The following GPC6 variants were observed in gnomAD, a reference collection of about 807,000 sequenced individuals.
The protein encoded by GPC6 is glypican 6.
GPC6 carries 14 observed loss-of-function variants against 55.2 expected under a neutral mutation model. That is an observed-to-expected ratio of 0.25 (90% CI 0.17 to 0.40). The LOEUF is 0.40. Among genes scored for constraint, GPC6 ranks in the 10% least tolerant of loss-of-function variants. The pLI is 1.00. For synonymous variants in GPC6, 278 were observed against 259.6 expected (o/e 1.07, Z -0.68); for missense variants, 641 against 708.5 (o/e 0.90, Z 1.08).
intron 1 of GPC6, among the ~76,000 whole-genome samples, chr13:93,358,723 T>C (rs1880939785): frequency 6.6e-6 from 1 of 152,206 alleles, no homozygotes; most frequent in African/African-American, 2.4e-5. Context: ...ATTTTTTTCC[T>C]GTATTTGTTT....
intron 1 of GPC6, among the ~76,000 whole-genome samples, chr13:93,521,566 C>A (rs1177422099): frequency 2.6e-5 from 4 of 151,968 alleles, no homozygotes; most frequent in African/African-American, 9.7e-5. Flanking sequence ...GAACTGTCTA[C>A]AATGCCTGCC....
At position 93,367,629 on chromosome 13, in the gene GPC6, G is replaced by A. The variant is rs549899258; in HGVS notation, c.160+140013G>A. ...ACAAATTTTTGATATGTTCTATTTT[G>A]AGTTTAATTCAGGTTAATGTAATTT... is the stretch of plus-strand genomic sequence containing the variant. On this transcript the variant is annotated intron_variant, in intron 1 of 8. Transcript: ENST00000377047. Among the ~76,000 whole-genome samples the A allele has an allele frequency of 9.9e-5, 15 of 152,062 alleles. No homozygotes were observed. The South Asian group carries it at 3.1e-3, about 32-fold the overall frequency.
At chr13:93,238,214 ATTTG>A (rs1481615082) in intron 1 of GPC6, among the ~76,000 whole-genome samples, 3 of 152,084 alleles carry the variant, frequency 2.0e-5, no homozygotes, top group Non-Finnish European at 2.9e-5. Flanking sequence ...GTGTTTTTCC[ATTTG>A]TTTGTGTGAT....
chr13:94,283,272 G>A (rs539490130), intron 4 of GPC6, among the ~76,000 whole-genome samples: 1 of 152,336 alleles, frequency 6.6e-6, no homozygotes, highest in South Asian at 2.1e-4. Flanking sequence ...TTACAAGCAC[G>A]ATTTCATTTC....
At chr13:93,368,043 T>C (rs1881310445) in intron 1 of GPC6, among the ~76,000 whole-genome samples, 1 of 152,144 alleles carries the variant, frequency 6.6e-6, no homozygotes, top group South Asian at 2.1e-4. Context: ...TCTCAAACTG[T>C]AATTATTGAA....
intron 2 of GPC6, among the ~76,000 whole-genome samples, chr13:93,799,026 TAA>T (rs1482361025): frequency 2.0e-5 from 3 of 152,116 alleles, no homozygotes; most frequent in Admixed American, 2.0e-4. Context: ...TAATATGTCT[TAA>T]GATAATATTT....
intron 3 of GPC6, among the ~76,000 whole-genome samples, chr13:93,879,162 C>A (rs760688998): frequency 6.6e-6 from 1 of 152,012 alleles, no homozygotes; most frequent in Non-Finnish European, 1.5e-5. Flanking sequence ...ACGTAGTTCT[C>A]GAGCCTTGGT....
At chr13:93,954,975 G>C (rs1461046383) in intron 3 of GPC6, among the ~76,000 whole-genome samples, 6 of 151,872 alleles carry the variant, frequency 4.0e-5, no homozygotes, top group Non-Finnish European at 4.4e-5. Flanking sequence ...TCTCCATCTT[G>C]GTTGCCTCTT....
intron 1 of GPC6, among the ~76,000 whole-genome samples, chr13:93,304,282 G>A (rs2139098584): frequency 6.6e-6 from 1 of 152,260 alleles, no homozygotes; most frequent in South Asian, 2.1e-4. Context: ...TCTATCCTAG[G>A]GCTTACATTT....
intron 2 of GPC6, among the ~76,000 whole-genome samples, chr13:93,800,511 G>A: frequency 6.6e-6 from 1 of 152,138 alleles, no homozygotes; most frequent in East Asian, 1.9e-4. Context: ...AAGAGAAAGG[G>A]AAACTGTCTT....
At chr13:94,378,006 T>C (rs1228820531) in intron 6 of GPC6, among the ~76,000 whole-genome samples, 3 of 151,550 alleles carry the variant, frequency 2.0e-5, no homozygotes, top group African/African-American at 7.3e-5. Flanking sequence ...TGAGAACACA[T>C]GGACAAAGGA....
At chr13:93,681,871 A>G (rs1483052796) in intron 2 of GPC6, among the ~76,000 whole-genome samples, 1 of 152,176 alleles carries the variant, frequency 6.6e-6, no homozygotes, top group Non-Finnish European at 1.5e-5. Flanking sequence ...GATAAATGCT[A>G]CGGGTTACAT....
chr13:94,315,609 G>A (rs532802409), intron 6 of GPC6, among the ~76,000 whole-genome samples: 2 of 152,158 alleles, frequency 1.3e-5, no homozygotes, highest in Admixed American at 6.5e-5. Context: ...CTCACATAGA[G>A]AGAGAAAAAG....
At chr13:93,376,994 A>G (rs1874928755) in intron 1 of GPC6, among the ~76,000 whole-genome samples, 1 of 152,068 alleles carries the variant, frequency 6.6e-6, no homozygotes, top group African/African-American at 2.4e-5. Flanking sequence ...TTTCCCACTA[A>G]ATAATTTATG....
At chr13:93,395,688 T>C in intron 1 of GPC6, 1 of 155,210 alleles carries the variant, frequency 6.4e-6, no homozygotes, top group Non-Finnish European at 1.4e-5. Flanking sequence ...CAAAATCCCC[T>C]GAGTGTTTGG....
At chr13:93,731,796 G>T (rs1041969302) in intron 2 of GPC6, among the ~76,000 whole-genome samples, 1 of 152,018 alleles carries the variant, frequency 6.6e-6, no homozygotes, top group African/African-American at 2.4e-5. Flanking sequence ...GCCATATTAA[G>T]GCATTTTTAT....
At chr13:93,522,436 A>C (rs538777832) in intron 1 of GPC6, among the ~76,000 whole-genome samples, 1 of 151,964 alleles carries the variant, frequency 6.6e-6, no homozygotes, top group East Asian at 1.9e-4. Flanking sequence ...CTTCTTACTT[A>C]TTTTCCCATT....
At chr13:94,240,132 CA>C (rs1223497292) in intron 4 of GPC6, among the ~76,000 whole-genome samples, 1 of 151,974 alleles carries the variant, frequency 6.6e-6, no homozygotes, top group Non-Finnish European at 1.5e-5. Flanking sequence ...TCATGAATTA[CA>C]AAAAAAGTTC....
At chr13:93,990,697 ATT>A (rs35070918) in intron 3 of GPC6, among the ~76,000 whole-genome samples, 130 of 143,942 alleles carry the variant, frequency 9.0e-4, no homozygotes, top group Admixed American at 1.9e-3. Context: ...CTCTACAACA[ATT>A]TTTTTTTTTT....
Sources: gnomAD v4.1 joint callset for allele counts (sites outside exome capture counted in the v4.1 genomes callset) on GRCh38, gnomAD v4.1.1 for gene constraint, MANE v1.5 for transcripts, NCBI Gene and HGNC (gene_info 2026-07-23, HGNC 2026-07-21) for gene names.